TENM1: variants seen among roughly 807,000 people sequenced by gnomAD.
TENM1 encodes teneurin-1.
A neutral mutation model predicts 174.8 loss-of-function variants in TENM1; 35 were observed. That is an observed-to-expected ratio of 0.20 (90% CI 0.15 to 0.27). The LOEUF (loss-of-function observed/expected upper bound fraction) is 0.27, where lower values mean the gene tolerates loss of function less well. Ranked by LOEUF, TENM1 falls within the 10% of genes least tolerant of loss-of-function variation. The probability of loss-of-function intolerance (pLI) is 1.00; values close to 1 mark genes in which losing one functional copy is unlikely to be tolerated. For synonymous variants in TENM1, 781 were observed against 798.7 expected, an observed-to-expected ratio of 0.98 and a Z score of 0.37; for missense variants, 1,633 against 2,130.1, an observed-to-expected ratio of 0.77 and a Z score of 4.59.
intron 1 of TENM1, among the ~76,000 whole-genome samples, chrX:124,924,307 TCTAA>T (rs1315209302): frequency 8.9e-6 from 1 of 111,907 alleles, no homozygotes; most frequent in Non-Finnish European, 1.9e-5. Flanking sequence ...CTATCTGAAG[TCTAA>T]CTGTCTTTTA....
At chrX:124,923,948 G>A (rs1052200701) in intron 1 of TENM1, among the ~76,000 whole-genome samples, 1 of 112,348 alleles carries the variant, frequency 8.9e-6, no homozygotes, top group Non-Finnish European at 1.9e-5. Context: ...AGAACTGTAA[G>A]ATAACACATT....
intron 5 of TENM1, 131 bp from the exon 9 acceptor site, chrX:124,671,966 T>C: frequency 5.2e-6 from 3 of 577,138 alleles, no homozygotes; most frequent in Non-Finnish European, 8.3e-6. Context: ...TGGGAGTTTA[T>C]ACCTATACAT....
intron 27 of TENM1, among the ~76,000 whole-genome samples, chrX:124,400,579 C>T (rs1414183013): frequency 8.9e-6 from 1 of 112,145 alleles, no homozygotes; most frequent in Non-Finnish European, 1.9e-5. Context: ...AAGTGCTAAG[C>T]CCCCTCCATT....
At chrX:125,032,891 A>G in the TENM1 span, among the ~76,000 whole-genome samples, 1 of 111,625 alleles carries the variant, frequency 9.0e-6, no homozygotes, top group Non-Finnish European at 1.9e-5. Context: ...TCCCATTGTC[A>G]TGTTGCATGA....
At chrX:124,393,487 T>A (rs2060303031) in intron 27 of TENM1, among the ~76,000 whole-genome samples, 1 of 111,432 alleles carries the variant, frequency 9.0e-6, no homozygotes, top group South Asian at 3.8e-4. Context: ...TGCTGGCCAG[T>A]GCACTGAAGA....
At chrX:125,071,267 C>T in the TENM1 span, among the ~76,000 whole-genome samples, 1 of 111,660 alleles carries the variant, frequency 9.0e-6, no homozygotes, top group Non-Finnish European at 1.9e-5. Flanking sequence ...ATTTCATGTT[C>T]TACACTCATT....
chrX:124,594,419 A>G (rs1330136435), intron 11 of TENM1, among the ~76,000 whole-genome samples: 2 of 110,272 alleles, frequency 1.8e-5, no homozygotes, highest in African/African-American at 6.7e-5. Flanking sequence ...AATGCCATAG[A>G]GTGGGTGGCT....
At chrX:124,497,035 C>G (rs143052594) in exon 20 of TENM1, 2 of 1,207,971 alleles carry the variant, frequency 1.7e-6, no homozygotes, top group Non-Finnish European at 2.2e-6. Context: ...AAAATACTAA[C>G]GGAGTTTCCC....
chrX:124,808,350 G>T (rs1478199543), intron 3 of TENM1, among the ~76,000 whole-genome samples: 1 of 112,078 alleles, frequency 8.9e-6, no homozygotes, highest in African/African-American at 3.2e-5. Context: ...TAGTAGAGCT[G>T]AAGGAAGAGA....
chrX:124,892,223 A>G (rs781086549), intron 3 of TENM1, among the ~76,000 whole-genome samples: 6 of 111,764 alleles, frequency 5.4e-5, no homozygotes, highest in Non-Finnish European at 9.4e-5. Flanking sequence ...GGGTTTACTT[A>G]GGACAAATTT....
intron 3 of TENM1, among the ~76,000 whole-genome samples, chrX:124,876,508 T>C (rs1474541207): frequency 8.9e-6 from 1 of 111,753 alleles, no homozygotes; most frequent in East Asian, 2.8e-4. Context: ...TATTTCGTAC[T>C]TTCCTTTTTT....
chrX:124,821,213 A>G (rs1348454501), intron 3 of TENM1, among the ~76,000 whole-genome samples: 8 of 112,222 alleles, frequency 7.1e-5, no homozygotes, highest in Non-Finnish European at 1.5e-4. Flanking sequence ...TTAAGATTCC[A>G]TAAGACAGGT....
chrX:125,177,146 C>A, the TENM1 span, among the ~76,000 whole-genome samples: 2 of 111,868 alleles, frequency 1.8e-5, no homozygotes, highest in African/African-American at 6.5e-5. Flanking sequence ...ATAGCCATAC[C>A]ATTTAACTAG....
At chrX:124,755,642 A>G (rs1457474605) in intron 3 of TENM1, among the ~76,000 whole-genome samples, 1 of 111,047 alleles carries the variant, frequency 9.0e-6, no homozygotes, top group Non-Finnish European at 1.9e-5. Context: ...GTTCCTTTCC[A>G]CGTTTAGTGC....
At chrX:124,475,975 A>T (rs767091589) in intron 22 of TENM1, among the ~76,000 whole-genome samples, 13 of 111,582 alleles carry the variant, frequency 1.2e-4, no homozygotes, top group Admixed American at 5.7e-4. Flanking sequence ...AGTTTCCTAA[A>T]TATACCATTC....
In TENM1 at chrX:124,700,653, A is replaced by G. The variant is rs183964614; in HGVS notation, c.1015+4360T>C. Among the ~76,000 whole-genome samples, 18 of 111,309 alleles carry G rather than the reference A, an allele frequency of 1.6e-4. 1 individual carries two copies. The East Asian group carries it at 4.8e-3, about 30-fold the overall frequency. On this transcript the variant is annotated intron_variant, in intron 5 of 31. Coordinates refer to ENST00000422452, the Ensembl canonical transcript of TENM1. ...TTTAGCAAATACTGTGTGAGGGAGCATTTTTATATTTAGATTTAATGGGGA... is the reference window on the plus strand; with the variant it reads ...TTTAGCAAATACTGTGTGAGGGAGCGTTTTTATATTTAGATTTAATGGGGA...
At chrX:124,401,645 G>A (rs939654506) in intron 27 of TENM1, among the ~76,000 whole-genome samples, 6 of 112,017 alleles carry the variant, frequency 5.4e-5, no homozygotes, top group African/African-American at 1.6e-4. Flanking sequence ...ACGCCATCTC[G>A]GAAATAATAA....
At chrX:125,043,378 G>C in the TENM1 span, among the ~76,000 whole-genome samples, 1 of 72,405 alleles carries the variant, frequency 1.4e-5, no homozygotes, top group Non-Finnish European at 2.6e-5. Flanking sequence ...CTTCTCAAAA[G>C]AAGACATTTA....
chrX:124,619,855 T>A (rs1186159782), intron 11 of TENM1, among the ~76,000 whole-genome samples: 5 of 111,866 alleles, frequency 4.5e-5, no homozygotes, highest in Admixed American at 3.8e-4. Flanking sequence ...GGTATAATAT[T>A]CAGAGGCCAG....
Sources: gnomAD v4.1 joint callset for allele counts (sites outside exome capture counted in the v4.1 genomes callset) on GRCh38, gnomAD v4.1.1 for gene constraint, MANE v1.5 for transcripts, NCBI Gene and HGNC (gene_info 2026-07-23, HGNC 2026-07-21) for gene names.